The following UBE2E2 variants were observed in gnomAD, a reference collection of about 807,000 sequenced individuals.
UBE2E2 encodes the protein ubiquitin-conjugating enzyme E2 E2.
Under a neutral mutation model 24.7 loss-of-function variants are expected in UBE2E2, and 6 were observed. The observed-to-expected ratio is 0.24, with a 90% CI of 0.13 to 0.48. UBE2E2 has a LOEUF of 0.48. UBE2E2 is among the 20% of genes least tolerant of loss of function. The pLI is 0.99. For missense variants in UBE2E2, 169 were observed against 245.0 expected (o/e 0.69, Z 2.07); for synonymous variants, 104 against 83.6 (o/e 1.24, Z -1.33).
chr3:23,271,450 C>T (rs147869808), intron 3 of UBE2E2, among the ~76,000 whole-genome samples: 53 of 152,268 alleles, frequency 3.5e-4, no homozygotes, highest in East Asian at 7.7e-4. Context: ...GCTTCCACAG[C>T]GTGGTAAGGG....
At chr3:23,573,832 G>T (rs1410147655) in intron 5 of UBE2E2, among the ~76,000 whole-genome samples, 3 of 152,120 alleles carry the variant, frequency 2.0e-5, no homozygotes, top group Admixed American at 1.3e-4. Flanking sequence ...TGGAGATTGT[G>T]CTATTAGGTC....
At chr3:23,436,988 A>G (rs1467780939) in intron 3 of UBE2E2, among the ~76,000 whole-genome samples, 3 of 152,234 alleles carry the variant, frequency 2.0e-5, no homozygotes, top group Non-Finnish European at 4.4e-5. Flanking sequence ...AGAACAAGAC[A>G]TAAGAGTTGT....
At position 23,299,175 on chromosome 3, in the gene UBE2E2, CTCTT is replaced by C. The variant is rs780829617; in HGVS notation, c.227+81864_227+81867del. 2.6e-5 allele frequency among the ~76,000 whole-genome samples: 4 copies of C among 151,016 alleles called. No homozygotes were observed. In the East Asian group the frequency reaches 5.9e-4, roughly 22 times the overall value. On this transcript the variant is annotated intron_variant, in intron 3 of 5. Coordinates refer to ENST00000396703, the MANE Select transcript of UBE2E2 (RefSeq NM_152653.4). ...TTTATTGCATCTATTTGATTCTTCTCTCTTCTTTATTAGTCTTGCTGGCGGTCTA... is the reference window on the plus strand; with the variant it reads ...TTTATTGCATCTATTTGATTCTTCTCCTTTATTAGTCTTGCTGGCGGTCTA...
chr3:23,265,169 GA>G (rs1318306055), intron 3 of UBE2E2, among the ~76,000 whole-genome samples: 3 of 152,198 alleles, frequency 2.0e-5, no homozygotes, highest in Non-Finnish European at 4.4e-5. Context: ...TATATGCTAT[GA>G]AGAAGGAACG....
At chr3:23,451,065 T>G (rs1698550878) in intron 3 of UBE2E2, among the ~76,000 whole-genome samples, 1 of 152,222 alleles carries the variant, frequency 6.6e-6, no homozygotes, top group Non-Finnish European at 1.5e-5. Context: ...TGTACTATCT[T>G]TGCAATTTTT....
chr3:23,456,748 T>C (rs1698688355), intron 3 of UBE2E2, among the ~76,000 whole-genome samples: 1 of 152,212 alleles, frequency 6.6e-6, no homozygotes, highest in African/African-American at 2.4e-5. Flanking sequence ...TTAGCATAAT[T>C]ATTTAAGGCC....
intron 3 of UBE2E2, among the ~76,000 whole-genome samples, chr3:23,251,152 G>A (rs1305992224): frequency 6.6e-6 from 1 of 152,200 alleles, no homozygotes; most frequent in African/African-American, 2.4e-5. Flanking sequence ...TGTGACAGGA[G>A]CTTTTAATTC....
chr3:23,371,424 G>T, intron 3 of UBE2E2, among the ~76,000 whole-genome samples: 1 of 152,126 alleles, frequency 6.6e-6, no homozygotes, highest in Non-Finnish European at 1.5e-5. Flanking sequence ...CAGTGTCACT[G>T]ATTGGTTCTT....
intron 3 of UBE2E2, among the ~76,000 whole-genome samples, chr3:23,441,842 T>A (rs780230654): frequency 6.6e-6 from 1 of 152,206 alleles, no homozygotes; most frequent in Non-Finnish European, 1.5e-5. Context: ...AAAAGCAGTG[T>A]CAGAAAATGA....
At chr3:23,351,048 C>A (rs1485130514) in intron 3 of UBE2E2, among the ~76,000 whole-genome samples, 8 of 152,344 alleles carry the variant, frequency 5.3e-5, no homozygotes, top group African/African-American at 1.7e-4. Context: ...TCGGCAGAAA[C>A]TCTACAAGCC....
At position 23,283,154 on chromosome 3, in the gene UBE2E2, C is replaced by A. The variant is rs1330535946; in HGVS notation, c.227+65842C>A. Among the ~76,000 whole-genome samples, 4 of 152,164 alleles carry A rather than the reference C, an allele frequency of 2.6e-5. No homozygotes were observed. In the East Asian group the frequency reaches 5.8e-4, roughly 22 times the overall value. ...AAATGCTACCTTCCTGCACTTGCTC[C>A]TGTAAGTTCAGGTTAGTAGGTGATG... On this transcript the variant is annotated intron_variant, in intron 3 of 5. Transcript: ENST00000396703.
At chr3:23,459,461 A>G (rs148050765) in intron 3 of UBE2E2, among the ~76,000 whole-genome samples, 25 of 152,342 alleles carry the variant, frequency 1.6e-4, no homozygotes, top group African/African-American at 6.0e-4. Context: ...CTCTTCTCCA[A>G]CTTGTAATCA....
chr3:23,442,244 G>T (rs943597066), intron 3 of UBE2E2, among the ~76,000 whole-genome samples: 1 of 151,850 alleles, frequency 6.6e-6, no homozygotes, highest in African/African-American at 2.4e-5. Flanking sequence ...CAAACTAAAT[G>T]CACTAAAGAG....
At chr3:23,398,392 G>A (rs1697132496) in intron 3 of UBE2E2, among the ~76,000 whole-genome samples, 3 of 150,990 alleles carry the variant, frequency 2.0e-5, no homozygotes, top group Admixed American at 2.0e-4. Flanking sequence ...ACTATGTTTT[G>A]GAATGTCTAA....
intron 5 of UBE2E2, among the ~76,000 whole-genome samples, chr3:23,569,582 G>A (rs1252987482): frequency 6.6e-6 from 1 of 152,150 alleles, no homozygotes; most frequent in African/African-American, 2.4e-5. Flanking sequence ...GCTTTTTGCA[G>A]TGGTATTTGG....
chr3:23,362,417 A>T (rs1696142490), intron 3 of UBE2E2, among the ~76,000 whole-genome samples: 1 of 152,166 alleles, frequency 6.6e-6, no homozygotes, highest in African/African-American at 2.4e-5. Flanking sequence ...GAGCAGACCA[A>T]CACTGGCACC....
chr3:23,417,014 G>A (rs1166661431), intron 3 of UBE2E2, among the ~76,000 whole-genome samples: 1 of 152,114 alleles, frequency 6.6e-6, no homozygotes, highest in Non-Finnish European at 1.5e-5. Context: ...TTAGCTCGGA[G>A]GAATTTGTTT....
intron 3 of UBE2E2, among the ~76,000 whole-genome samples, chr3:23,348,374 A>C (rs1296718470): frequency 6.6e-6 from 1 of 151,258 alleles, no homozygotes; most frequent in African/African-American, 2.4e-5. Context: ...AGAATAGTCC[A>C]TAGGCTAAAG....
chr3:23,314,890 C>T (rs1427973119), intron 3 of UBE2E2, among the ~76,000 whole-genome samples: 1 of 152,104 alleles, frequency 6.6e-6, no homozygotes, highest in East Asian at 1.9e-4. Context: ...TATTCTTGAA[C>T]TTTGGGAGTT....
Sources: gnomAD v4.1 joint callset for allele counts (sites outside exome capture counted in the v4.1 genomes callset) on GRCh38, gnomAD v4.1.1 for gene constraint, MANE v1.5 for transcripts, NCBI Gene and HGNC (gene_info 2026-07-23, HGNC 2026-07-21) for gene names.